GLIS2: variants seen among roughly 807,000 people sequenced by gnomAD.
GLIS2 encodes zinc finger protein GLIS2.
In GLIS2, 14 loss-of-function variants were observed where a neutral mutation model predicts 35.6. The ratio of observed to expected loss-of-function variants is 0.39; its 90% CI spans 0.26 to 0.61. The LOEUF (loss-of-function observed/expected upper bound fraction) is 0.61. Among genes scored for constraint, GLIS2 ranks in the 20% least tolerant of loss-of-function variants. GLIS2 has a pLI of 0.48. For synonymous variants in GLIS2, 368 were observed against 325.1 expected, an observed-to-expected ratio of 1.13 and a Z score of -1.42; for missense variants, 675 against 713.4, an observed-to-expected ratio of 0.95 and a Z score of 0.61.
At position 4,337,543 on chromosome 16, in the gene GLIS2, TGTG is replaced by T; in HGVS notation, c.*23_*25del. The T allele has an allele frequency of 6.5e-7, 1 of 1,547,224 alleles. No individual in the cohort carries two copies. The highest frequency in any genetic ancestry group is 8.7e-7 in the Non-Finnish European group (1 of 1,151,906). On this transcript the variant is annotated 3_prime_UTR_variant, in exon 7 of 7. Transcript: ENST00000433375. Reference sequence around the variant, plus strand: ...GAACTGAGCCCATCCTGCGGACAGTTGTGGTGCCCCCCCGGCAGCTCCCGGCAC... The same window carrying T: ...GAACTGAGCCCATCCTGCGGACAGTTGTGCCCCCCCGGCAGCTCCCGGCAC...
chr16:4,332,479 A>T lies in GLIS2; in HGVS notation c.172+27A>T. The T allele has an allele frequency of 6.2e-7, 1 of 1,605,940 alleles. No individual in the cohort carries two copies. Among genetic ancestry groups the T allele is most frequent in the African/African-American group, 1.3e-5 (1 of 74,824 alleles). On this transcript the variant is annotated intron_variant, in intron 2 of 6. Coordinates refer to ENST00000433375, the MANE Select transcript of GLIS2 (RefSeq NM_032575.3). This position sits in a 1 kb window ranked among gnomAD's most constrained non-coding sequence, Gnocchi z 5.4. ...TACTGGCCCTGGGCAGGGCAGGGGG[A>T]CTTAGCCCTGATCCAGTCATGGTGA...
At position 4,335,458 on chromosome 16, in the gene GLIS2, G is replaced by A; in HGVS notation, c.775+65G>A. 2 of 1,396,966 alleles carry A rather than the reference G, an allele frequency of 1.4e-6. No individual in the cohort carries two copies. The highest frequency in any genetic ancestry group is 2.0e-6 in the Non-Finnish European group (2 of 985,324). 86.5% of individuals were successfully genotyped at this position (1,396,966 alleles called of 1,614,324 possible). ...GCGCTCAGCTGAGACCGGCTGGGCA[G>A]GTCCCCAGGGGGAGGGGACTGTTAA... On this transcript the variant is annotated intron_variant, in intron 6 of 6. Coordinates refer to ENST00000433375, the MANE Select transcript of GLIS2 (RefSeq NM_032575.3). The surrounding 1 kb of genome is among the most constrained non-coding windows in gnomAD (Gnocchi z 4.6).
In GLIS2 at chr16:4,337,741, G is replaced by C. The variant is rs1018356886; in HGVS notation, c.*217G>C. 13 of 667,088 alleles carry C rather than the reference G, an allele frequency of 1.9e-5. No individual in the cohort carries two copies. Among genetic ancestry groups the C allele is most frequent in the Non-Finnish European group, 3.4e-5 (13 of 382,514 alleles). 41.3% of individuals were successfully genotyped at this position (667,088 alleles called of 1,614,324 possible). On this transcript the variant is annotated 3_prime_UTR_variant, in exon 7 of 7. Coordinates refer to ENST00000433375, the MANE Select transcript of GLIS2 (RefSeq NM_032575.3). Reference sequence around the variant, plus strand: ...CATGCAGGGAGAGCTGTGCTCCTGGGTGCTGAAGCCTCGCTCCTGTCTGTC... The same window carrying C: ...CATGCAGGGAGAGCTGTGCTCCTGGCTGCTGAAGCCTCGCTCCTGTCTGTC...
At chr16:4,326,157 A>ATGCTGTGAACCTGGGAGGCGGAGCT (rs2053428329) in intron 1 of GLIS2, among the ~76,000 whole-genome samples, 1 of 151,858 alleles carries the variant, frequency 6.6e-6, no homozygotes, top group African/African-American at 2.4e-5. Flanking sequence ...AGGCAGGAGA[A>ATGCTGTGAACCTGGGAGGCGGAGCT]TGCTGTGAAC....
intron 1 of GLIS2, among the ~76,000 whole-genome samples, chr16:4,325,967 G>C (rs2053426112): frequency 6.9e-6 from 1 of 144,016 alleles, no homozygotes; most frequent in East Asian, 2.0e-4. Flanking sequence ...GGCCAGACTT[G>C]GTGGCTCACG....
intron 1 of GLIS2, chr16:4,329,297 C>G (rs1017587171): frequency 2.6e-5 from 4 of 152,248 alleles, no homozygotes; most frequent in African/African-American, 9.6e-5. Flanking sequence ...CACCCACCCA[C>G]CTGCTAGCGG....
chr16:4,318,849 G>A (rs1048925118), intron 1 of GLIS2, among the ~76,000 whole-genome samples: 8 of 152,198 alleles, frequency 5.3e-5, no homozygotes, highest in Non-Finnish European at 1.2e-4. Context: ...CGCTCCACTC[G>A]CCTGGAATCT....
chr16:4,321,981 C>G (rs950434548), intron 1 of GLIS2, among the ~76,000 whole-genome samples: 12 of 152,158 alleles, frequency 7.9e-5, no homozygotes, highest in African/African-American at 2.9e-4. Context: ...GTACCTGGAC[C>G]CACAGCCTGT....
chr16:4,334,851 C>A lies in GLIS2; in HGVS notation c.396C>A (p.Phe132Leu). ...YLDGVPSSFQ[F>L]FLPLGSGGAL... Reference sequence around the variant, plus strand: ...ATGGTGTCCCCAGCTCCTTCCAGTTCTTCCTGCCCCTCGGCTCCGGGGGGG... The same window carrying A: ...ATGGTGTCCCCAGCTCCTTCCAGTTATTCCTGCCCCTCGGCTCCGGGGGGG... Residue 132 changes from phenylalanine to leucine, a missense_variant, in exon 4 of 7, where the codon TTC (phenylalanine) becomes TTA (leucine). By Grantham distance (22) the Phe-to-Leu change is conservative. Transcript: ENST00000433375. 1 of 1,613,438 alleles carries A rather than the reference C, an allele frequency of 6.2e-7. No individual in the cohort carries two copies.
chr16:4,331,102 G>T (rs1359094455), intron 1 of GLIS2, among the ~76,000 whole-genome samples: 1 of 151,936 alleles, frequency 6.6e-6, no homozygotes, highest in Non-Finnish European at 1.5e-5. Context: ...TCAGCCTCCC[G>T]AGTAGCTGGG....
At chr16:4,318,092 C>T (rs903846118) in intron 1 of GLIS2, among the ~76,000 whole-genome samples, 1 of 152,184 alleles carries the variant, frequency 6.6e-6, no homozygotes, top group African/African-American at 2.4e-5. Flanking sequence ...CCCTGGGAAG[C>T]CAGACAGTGA....
rs1017042146 is a variant in GLIS2 at position 4,338,344 on chromosome 16, G to C, written c.*820G>C. On this transcript the variant is annotated 3_prime_UTR_variant, in exon 7 of 7. Coordinates refer to ENST00000433375, the MANE Select transcript of GLIS2 (RefSeq NM_032575.3). ...TGGTGCCAAGATACTGAGTGACCTG[G>C]GCCCTGGCTCAGGGAGCATGTGGGG... 1.3e-5 allele frequency: 2 copies of C among 152,358 alleles called. No individual in the cohort carries two copies. The highest frequency in any genetic ancestry group is 4.8e-5 in the African/African-American group (2 of 41,466). The allele number at this position is 152,358 out of a possible 1,614,324, so 9.4% of individuals were successfully genotyped here. A position where few individuals can be genotyped will look rare whatever the true frequency, so the allele number is the denominator to read the frequency against.
chr16:4,333,479 G>A lies in GLIS2; in HGVS notation c.305G>A (p.Arg102His), dbSNP rs760606197. ...GGCAGCAGCTCGCTGTCCCCCGAGC[G>A]CCAGGGCAACGGGGACCTGCCTCCA... is the stretch of plus-strand genomic sequence containing the variant. ...PNGSSSLSPERQGNGDLPPVP... is the reference protein window; with the variant it reads ...PNGSSSLSPEHQGNGDLPPVP... The change falls in exon 3 of 7, where the codon CGC becomes CAC. Residue 102 changes from arginine to histidine, a missense_variant. Around this residue, in one of 3 missense-constraint regions of GLIS2, gnomAD observed 225 missense variants for 238.7 expected, o/e 0.94. Transcript: ENST00000433375. 54 of 1,612,144 alleles carry A rather than the reference G, an allele frequency of 3.3e-5. No individual in the cohort carries two copies. The highest frequency in any genetic ancestry group is 2.1e-4 in the South Asian group (19 of 91,076).
Position 4,332,307 on chromosome 16 carries a change from C to A in GLIS2, c.27C>A (p.Asp9Glu), listed in dbSNP as rs369340538. 4 of 1,613,170 alleles carry A rather than the reference C, an allele frequency of 2.5e-6. No individual in the cohort carries two copies. The highest frequency in any genetic ancestry group is 3.4e-6 in the Non-Finnish European group (4 of 1,180,010). The change falls in exon 2 of 7, where the codon GAC becomes GAA. Residue 9 changes from aspartate to glutamate, a missense_variant. Asp to Glu is a conservative substitution (Grantham distance 45, BLOSUM62 2). Transcript: ENST00000433375. The surrounding 1 kb of genome is among the most constrained non-coding windows in gnomAD (Gnocchi z 5.4). ...TGCACTCCCTGGACGAGCCGCTCGA[C>A]CTGAAGCTGAGTATCACCAAGCTCC... MHSLDEPL[D>E]LKLSITKLRA...
upstream of GLIS2, chr16:4,314,821 C>G (rs577145925): frequency 6.6e-6 from 1 of 152,414 alleles, no homozygotes; most frequent in East Asian, 1.9e-4. Context: ...CTAGGCTCCT[C>G]AAGGCCAACT....
At chr16:4,317,209 C>T (rs147710703) in intron 1 of GLIS2, among the ~76,000 whole-genome samples, 161 of 152,296 alleles carry the variant, frequency 1.1e-3, no homozygotes, top group African/African-American at 3.8e-3. Flanking sequence ...GGGAGGGGCC[C>T]TGGGCCCCCA....
rs924187302 is a variant in GLIS2, at chr16:4,332,846, G to T, written c.172+394G>T. ...CCTCTCAGGGATTCCCGGTGCTTGG[G>T]CCCAGGGTGGTGGGCACCACTTCTG... On this transcript the variant is annotated intron_variant, in intron 2 of 6. Transcript: ENST00000433375. This position sits in a 1 kb window ranked among gnomAD's most constrained non-coding sequence, Gnocchi z 5.4. Among the ~76,000 whole-genome samples, 2 of 152,198 alleles carry T rather than the reference G, an allele frequency of 1.3e-5. No individual in the cohort carries two copies. Among genetic ancestry groups the T allele is most frequent in the African/African-American group, 2.4e-5 (1 of 41,452 alleles).
chr16:4,322,227 CT>C (rs1212313452), intron 1 of GLIS2, among the ~76,000 whole-genome samples: 1 of 152,080 alleles, frequency 6.6e-6, no homozygotes, highest in Non-Finnish European at 1.5e-5. Context: ...AGGTGGCACT[CT>C]TCTGTGTAGA....
rs1304874280 is a variant in GLIS2, at chr16:4,337,123, A to C, written c.1174A>C (p.Ser392Arg). ...SALACGNGGGSGGGGGMGPGL... is the reference protein window; with the variant it reads ...SALACGNGGGRGGGGGMGPGL... ...CCTGGCCTGTGGCAACGGTGGGGGCAGTGGGGGTGGGGGGGGCATGGGCCC... is the reference window on the plus strand; with the variant it reads ...CCTGGCCTGTGGCAACGGTGGGGGCCGTGGGGGTGGGGGGGGCATGGGCCC... The change falls in exon 7 of 7, where the codon AGT (serine) becomes CGT (arginine). Residue 392 changes from serine (S) to arginine (R), a missense_variant. Ser to Arg is a moderately radical substitution (Grantham distance 110, BLOSUM62 -1). Around this residue, in one of 3 missense-constraint regions of GLIS2, gnomAD observed 317 missense variants for 283.2 expected, o/e 1.12. Transcript: ENST00000433375. 6.5e-7 allele frequency: 1 copy of C among 1,535,684 alleles called. No homozygotes were observed. The highest frequency in any genetic ancestry group is 8.7e-7 in the Non-Finnish European group (1 of 1,146,200).
Sources: gnomAD v4.1 joint callset for allele counts (sites outside exome capture counted in the v4.1 genomes callset) on GRCh38, gnomAD v4.1.1 for gene constraint, gnomAD v4.1.1 regional missense constraint, Gnocchi (gnomAD v3.1) non-coding constraint, MANE v1.5 for transcripts, NCBI Gene and HGNC (gene_info 2026-07-23, HGNC 2026-07-21) for gene names.